Variants in OPCML observed in about 807,000 individuals in gnomAD.
OPCML encodes the protein opioid-binding protein/cell adhesion molecule.
OPCML carries 13 observed loss-of-function variants against 37.8 expected under a neutral mutation model. The ratio of observed to expected loss-of-function variants is 0.34; its 90% confidence interval spans 0.22 to 0.55. The LOEUF (loss-of-function observed/expected upper bound fraction) is 0.55. Among genes scored for constraint, OPCML ranks in the 20% least tolerant of loss-of-function variants. The pLI is 0.91. For synonymous variants in OPCML, 176 were observed against 168.8 expected, an observed-to-expected ratio of 1.04 and a Z score of -0.33; for missense variants, 341 against 435.6, an observed-to-expected ratio of 0.78 and a Z score of 1.93.
intron 4 of OPCML, among the ~76,000 whole-genome samples, chr11:132,520,415 A>C (rs1396624615): frequency 6.6e-6 from 1 of 152,084 alleles, no homozygotes; most frequent in East Asian, 1.9e-4. Context: ...TCTCTGACCT[A>C]TTTTAGGGAG....
At chr11:132,859,381 A>G (rs1240847606) in intron 2 of OPCML, 1 of 152,224 alleles carries the variant, frequency 6.6e-6, no homozygotes, top group Non-Finnish European at 1.5e-5. Context: ...AAAACATTTA[A>G]CTTATTTCAA....
At chr11:133,478,370 C>T (rs1164439154) in intron 1 of OPCML, among the ~76,000 whole-genome samples, 4 of 152,194 alleles carry the variant, frequency 2.6e-5, no homozygotes, top group South Asian at 2.1e-4. Context: ...GGTTTGACTC[C>T]GAGTAAGAGA....
intron 4 of OPCML, among the ~76,000 whole-genome samples, chr11:132,443,837 C>G (rs567136508): frequency 6.6e-6 from 1 of 152,180 alleles, no homozygotes; most frequent in Non-Finnish European, 1.5e-5. Flanking sequence ...GTGCCTGAAT[C>G]CTATCACTCA....
intron 1 of OPCML, chr11:133,007,847 G>T (rs191521047): frequency 1.0e-6 from 1 of 985,418 alleles, no homozygotes; most frequent in East Asian, 1.1e-4. Context: ...TACACGGATG[G>T]CAATTTTAGA....
intron 1 of OPCML, among the ~76,000 whole-genome samples, chr11:133,114,625 C>T (rs1949304194): frequency 6.6e-6 from 1 of 152,102 alleles, no homozygotes; most frequent in South Asian, 2.1e-4. Flanking sequence ...CTAACTGCTC[C>T]CCTCCATTTT....
intron 1 of OPCML, among the ~76,000 whole-genome samples, chr11:133,134,718 C>T (rs1269423098): frequency 2.0e-5 from 3 of 152,276 alleles, no homozygotes; most frequent in Admixed American, 2.0e-4. Context: ...CAGCCCACAT[C>T]AAGCGAGATG....
At chr11:133,415,876 C>A (rs1945750683) in intron 1 of OPCML, among the ~76,000 whole-genome samples, 2 of 152,184 alleles carry the variant, frequency 1.3e-5, no homozygotes, top group Non-Finnish European at 2.9e-5. Flanking sequence ...GAGAGGCCTG[C>A]AGCTGATGCT....
At chr11:132,601,827 C>T (rs1046203503) in intron 3 of OPCML, among the ~76,000 whole-genome samples, 3 of 151,994 alleles carry the variant, frequency 2.0e-5, no homozygotes, top group Admixed American at 6.6e-5. Context: ...GGGGTACATC[C>T]GTTTATAGGT....
At chr11:132,499,788 G>A (rs1592271322) in intron 4 of OPCML, among the ~76,000 whole-genome samples, 1 of 152,216 alleles carries the variant, frequency 6.6e-6, no homozygotes, top group South Asian at 2.1e-4. Flanking sequence ...AACTGAGGAA[G>A]AGCACAGCTC....
intron 1 of OPCML, among the ~76,000 whole-genome samples, chr11:133,306,008 A>C (rs1474940522): frequency 6.6e-6 from 1 of 152,228 alleles, no homozygotes; most frequent in East Asian, 1.9e-4. Flanking sequence ...TTGCCTTAAG[A>C]GCCTTTGAAA....
At chr11:133,422,819 G>A in intron 1 of OPCML, 1 of 904,146 alleles carries the variant, frequency 1.1e-6, no homozygotes, top group Non-Finnish European at 1.3e-6. Context: ...TTTGGAATCA[G>A]AAAGTATTCT....
chr11:133,344,279 C>T (rs963432061), intron 1 of OPCML, among the ~76,000 whole-genome samples: 2 of 152,202 alleles, frequency 1.3e-5, no homozygotes, highest in African/African-American at 4.8e-5. Flanking sequence ...AACCCACTGA[C>T]AGTCTCTCTG....
At chr11:133,253,551 C>A (rs1941212128) in intron 1 of OPCML, among the ~76,000 whole-genome samples, 2 of 152,142 alleles carry the variant, frequency 1.3e-5, no homozygotes, top group Non-Finnish European at 2.9e-5. Context: ...CTCAAGTGAT[C>A]CACCCACCTC....
chr11:132,768,621 A>G (rs537791143), intron 2 of OPCML, among the ~76,000 whole-genome samples: 18 of 152,210 alleles, frequency 1.2e-4, no homozygotes, highest in Non-Finnish European at 2.5e-4. Flanking sequence ...ATTTACTCTC[A>G]GTGTTACTCT....
intron 4 of OPCML, among the ~76,000 whole-genome samples, chr11:132,475,408 A>G (rs2096151938): frequency 6.6e-6 from 1 of 152,140 alleles, no homozygotes; most frequent in Admixed American, 6.6e-5. Context: ...CCCCACCCCC[A>G]TTCTAACCTC....
intron 2 of OPCML, among the ~76,000 whole-genome samples, chr11:132,867,270 G>A (rs1258923711): frequency 2.6e-5 from 4 of 152,142 alleles, no homozygotes; most frequent in Non-Finnish European, 5.9e-5. Flanking sequence ...GTGGCGCTGG[G>A]AGAACTCAAT....
intron 1 of OPCML, among the ~76,000 whole-genome samples, chr11:133,376,246 A>T (rs1403537181): frequency 1.3e-5 from 2 of 152,206 alleles, no homozygotes; most frequent in Non-Finnish European, 2.9e-5. Context: ...TTGGGCAATT[A>T]AAATGTTATA....
At chr11:133,319,391 T>TAA (rs1943277867) in intron 1 of OPCML, among the ~76,000 whole-genome samples, 1 of 152,148 alleles carries the variant, frequency 6.6e-6, no homozygotes, top group Admixed American at 6.5e-5. Flanking sequence ...AAGTCTCCCT[T>TAA]ATGAGACAGT....
chr11:132,953,788 C>T (rs1393042615), intron 1 of OPCML, among the ~76,000 whole-genome samples: 1 of 152,130 alleles, frequency 6.6e-6, no homozygotes, highest in African/African-American at 2.4e-5. Context: ...TGGGGGTCCC[C>T]AGCAATGGAC....
Sources: gnomAD v4.1 joint callset for allele counts (sites outside exome capture counted in the v4.1 genomes callset) on GRCh38, gnomAD v4.1.1 for gene constraint, MANE v1.5 for transcripts, NCBI Gene and HGNC (gene_info 2026-07-23, HGNC 2026-07-21) for gene names.